CNTNAP2: variants seen among roughly 807,000 people sequenced by gnomAD.
CNTNAP2 encodes contactin-associated protein-like 2.
CNTNAP2 carries 98 observed loss-of-function variants against 155.2 expected under a neutral mutation model. The ratio of observed to expected loss-of-function variants is 0.63; its 90% CI spans 0.54 to 0.75. The LOEUF (loss-of-function observed/expected upper bound fraction) is 0.75. CNTNAP2 is among the 30% of genes least tolerant of loss of function. CNTNAP2 has a pLI of 0.00. For synonymous variants in CNTNAP2, 651 were observed against 631.2 expected (o/e 1.03, Z -0.47); for missense variants, 1,727 against 1,688.1 (o/e 1.02, Z -0.40).
At chr7:147,678,178 C>T (rs770482683) in intron 13 of CNTNAP2, among the ~76,000 whole-genome samples, 16 of 151,816 alleles carry the variant, frequency 1.1e-4, no homozygotes, top group Non-Finnish European at 2.1e-4. Context: ...CAGGATGTTA[C>T]ATGAGCCTTC....
At chr7:146,914,764 G>T (rs77406437) in intron 3 of CNTNAP2, among the ~76,000 whole-genome samples, 2,603 of 152,156 alleles carry the variant, frequency 0.017, 61 homozygotes, top group African/African-American at 0.059. Flanking sequence ...TCACTCTGCT[G>T]ATTATTTCTT....
At chr7:147,984,572 G>C (rs2116874193) in intron 15 of CNTNAP2, among the ~76,000 whole-genome samples, 1 of 152,186 alleles carries the variant, frequency 6.6e-6, no homozygotes, top group Non-Finnish European at 1.5e-5. Flanking sequence ...TATGCTCTCG[G>C]GGAGTGGCTG....
intron 3 of CNTNAP2, among the ~76,000 whole-genome samples, chr7:146,995,276 T>A (rs771979201): frequency 6.6e-6 from 1 of 152,120 alleles, no homozygotes. Flanking sequence ...TTGGCTATTG[T>A]GAATAGACGC....
At chr7:147,621,453 G>A (rs1794851162) in intron 12 of CNTNAP2, among the ~76,000 whole-genome samples, 1 of 151,948 alleles carries the variant, frequency 6.6e-6, no homozygotes, top group South Asian at 2.1e-4. Flanking sequence ...AGTACAATAA[G>A]ATATAAATAG....
chr7:147,824,129 T>C (rs1401339853), intron 13 of CNTNAP2, among the ~76,000 whole-genome samples: 1 of 152,170 alleles, frequency 6.6e-6, no homozygotes, highest in Admixed American at 6.6e-5. Context: ...AGAAATTCAC[T>C]TTGAGGGGCT....
intron 3 of CNTNAP2, among the ~76,000 whole-genome samples, chr7:146,854,200 C>A (rs1261846947): frequency 6.6e-6 from 1 of 152,188 alleles, no homozygotes; most frequent in Non-Finnish European, 1.5e-5. Flanking sequence ...CCAATCCAAG[C>A]TGGACCAGGG....
intron 12 of CNTNAP2, among the ~76,000 whole-genome samples, chr7:147,584,716 T>C (rs1054144226): frequency 6.6e-5 from 10 of 152,162 alleles, no homozygotes; most frequent in African/African-American, 2.4e-4. Context: ...ATGTGAAAAA[T>C]TCAGAGCTTC....
chr7:148,115,887 G>A (rs944069375), intron 15 of CNTNAP2, among the ~76,000 whole-genome samples: 9 of 151,444 alleles, frequency 5.9e-5, no homozygotes, highest in Non-Finnish European at 4.4e-5. Flanking sequence ...GCCTGTAATC[G>A]CAGCACTTTG....
chr7:148,197,235 T>G (rs1211488262), intron 18 of CNTNAP2, among the ~76,000 whole-genome samples: 1 of 152,224 alleles, frequency 6.6e-6, no homozygotes, highest in Non-Finnish European at 1.5e-5. Flanking sequence ...TTAGATCTTT[T>G]ATTTTGAAAT....
At chr7:147,892,965 T>G (rs79587105) in intron 13 of CNTNAP2, among the ~76,000 whole-genome samples, 1,662 of 152,310 alleles carry the variant, frequency 0.011, 88 homozygotes, top group Admixed American at 0.091. Flanking sequence ...AATGCTCACC[T>G]TTAACTACCA....
intron 11 of CNTNAP2, among the ~76,000 whole-genome samples, chr7:147,505,766 C>G (rs1457048636): frequency 6.6e-6 from 1 of 152,164 alleles, no homozygotes; most frequent in Non-Finnish European, 1.5e-5. Flanking sequence ...GGTTATAATA[C>G]ACATAAAACT....
intron 8 of CNTNAP2, chr7:147,161,991 A>T (rs546718373): frequency 6.6e-6 from 1 of 152,260 alleles, no homozygotes; most frequent in African/African-American, 2.4e-5. Context: ...ATATGCTACC[A>T]AGGCCTATGC....
At chr7:148,318,441 G>T (rs1042502273) in intron 21 of CNTNAP2, among the ~76,000 whole-genome samples, 3 of 152,200 alleles carry the variant, frequency 2.0e-5, no homozygotes, top group Non-Finnish European at 4.4e-5. Flanking sequence ...ACAAGAGGAA[G>T]GGAAGAGCTA....
intron 14 of CNTNAP2, among the ~76,000 whole-genome samples, chr7:147,911,633 C>A (rs1043074684): frequency 2.0e-5 from 3 of 152,192 alleles, no homozygotes; most frequent in Non-Finnish European, 2.9e-5. Context: ...TGATTTCACA[C>A]CACCATCGTT....
chr7:147,803,570 A>T (rs983295890), intron 13 of CNTNAP2, among the ~76,000 whole-genome samples: 1 of 152,222 alleles, frequency 6.6e-6, no homozygotes, highest in Non-Finnish European at 1.5e-5. Flanking sequence ...ATATATTTCA[A>T]ACCTCAAGAG....
rs1280863324 is a variant in CNTNAP2, at chr7:148,137,734, A to AAGGT, written c.2555-9756_2555-9753dup. On this transcript the variant is annotated intron_variant, in intron 16 of 23. Coordinates refer to ENST00000361727, the MANE Select transcript of CNTNAP2 (RefSeq NM_014141.6). ...GAAGGAAGGAAGGAAGGAAGGAAGG[A>AAGGT]AGGTTCTCCTTTCCTCTCTAATGTC... 2.4e-4 allele frequency among the ~76,000 whole-genome samples: 34 copies of AAGGT among 141,416 alleles called. No homozygotes were observed. In the East Asian group the frequency reaches 2.7e-3, roughly 11 times the overall value. 92.8% of individuals were successfully genotyped at this position (141,416 alleles called of 152,430 possible).
At chr7:148,225,874 G>A (rs538986142) in intron 19 of CNTNAP2, among the ~76,000 whole-genome samples, 2 of 152,322 alleles carry the variant, frequency 1.3e-5, no homozygotes, top group Admixed American at 1.3e-4. Context: ...CTGGAAGGAT[G>A]AATTGGCAAT....
At chr7:146,932,222 C>G (rs572323155) in intron 3 of CNTNAP2, among the ~76,000 whole-genome samples, 4 of 152,336 alleles carry the variant, frequency 2.6e-5, no homozygotes, top group South Asian at 2.1e-4. Flanking sequence ...AGCAGCACAT[C>G]AAACAGCTTA....
intron 10 of CNTNAP2, among the ~76,000 whole-genome samples, chr7:147,406,180 T>C (rs1797001537): frequency 6.8e-6 from 1 of 147,402 alleles, no homozygotes; most frequent in Non-Finnish European, 1.5e-5. Flanking sequence ...GCATTCCAAA[T>C]ACAGAGAAAA....
Sources: gnomAD v4.1 joint callset for allele counts (sites outside exome capture counted in the v4.1 genomes callset) on GRCh38, gnomAD v4.1.1 for gene constraint, MANE v1.5 for transcripts, NCBI Gene and HGNC (gene_info 2026-07-23, HGNC 2026-07-21) for gene names.